SNX29: variants seen among roughly 807,000 people sequenced by gnomAD.
The protein encoded by SNX29 is sorting nexin-29.
SNX29 carries 78 observed loss-of-function variants against 102.1 expected under a neutral mutation model. The observed-to-expected ratio is 0.76, with a 90% CI of 0.64 to 0.92. SNX29 has a LOEUF of 0.92. SNX29 is among the 40% of genes least tolerant of loss of function. The probability of loss-of-function intolerance (pLI) is 0.00; values close to 1 mark genes in which losing one functional copy is unlikely to be tolerated. For synonymous variants in SNX29, 580 were observed against 414.5 expected (o/e 1.40, Z -4.85); for missense variants, 1,280 against 1,061.7 (o/e 1.21, Z -2.86).
chr16:12,033,175 G>C (rs2057389522), intron 4 of SNX29, among the ~76,000 whole-genome samples: 1 of 151,988 alleles, frequency 6.6e-6, no homozygotes, highest in Non-Finnish European at 1.5e-5. Context: ...TTTTAAATTA[G>C]AGAAAAGGTA....
chr16:12,521,472 C>CT (rs2090099789), intron 19 of SNX29, among the ~76,000 whole-genome samples: 1 of 152,042 alleles, frequency 6.6e-6, no homozygotes, highest in Non-Finnish European at 1.5e-5. Context: ...GGGGGGTTCA[C>CT]TTTCCTTGGG....
rs371181294 is a variant in SNX29 at position 12,298,996 on chromosome 16, T to TAAA, written c.1782+20976_1782+20978dup. On this transcript the variant is annotated intron_variant, in intron 15 of 20. Coordinates refer to ENST00000566228, the MANE Select transcript of SNX29 (RefSeq NM_032167.5). ...CCTCCAGAGAGGACCAATGAGTCTT[T>TAAA]AAAAAAAAAAAAAAAAAATAGGGCT... is the stretch of plus-strand genomic sequence containing the variant. Among the ~76,000 whole-genome samples, 804 of 139,902 alleles carry TAAA rather than the reference T, an allele frequency of 5.7e-3. 9 individuals carry two copies. Among genetic ancestry groups the TAAA allele is most frequent in the African/African-American group, 0.02 (770 of 38,118 alleles). 91.8% of individuals were successfully genotyped at this position (139,902 alleles called of 152,430 possible).
At chr16:12,409,201 G>C (rs1226854725) in intron 18 of SNX29, among the ~76,000 whole-genome samples, 1 of 152,216 alleles carries the variant, frequency 6.6e-6, no homozygotes, top group South Asian at 2.1e-4. Flanking sequence ...TGATTAAGGA[G>C]TGTCAAATAA....
chr16:12,486,965 G>C (rs146980241), intron 19 of SNX29, among the ~76,000 whole-genome samples: 40 of 152,232 alleles, frequency 2.6e-4, no homozygotes, highest in African/African-American at 9.4e-4. Context: ...TAAGTAAGAG[G>C]CTGTAATAAG....
chr16:12,337,079 G>A (rs964986922), intron 15 of SNX29, among the ~76,000 whole-genome samples: 1 of 152,176 alleles, frequency 6.6e-6, no homozygotes, highest in Non-Finnish European at 1.5e-5. Flanking sequence ...ATCTTGGGCA[G>A]CAGGTAGTGC....
intron 13 of SNX29, among the ~76,000 whole-genome samples, chr16:12,159,259 G>T (rs556076506): frequency 6.6e-6 from 1 of 152,312 alleles, no homozygotes; most frequent in Non-Finnish European, 1.5e-5. Context: ...GTGGAGCATT[G>T]TAGGGAGTTG....
intron 5 of SNX29, among the ~76,000 whole-genome samples, chr16:12,044,406 C>T (rs984688703): frequency 3.9e-5 from 6 of 152,114 alleles, no homozygotes; most frequent in African/African-American, 1.4e-4. Context: ...CCTGTGGCTC[C>T]TTGTTCAATT....
chr16:12,341,914 GC>G (rs1161403579), intron 15 of SNX29, among the ~76,000 whole-genome samples: 2 of 152,186 alleles, frequency 1.3e-5, no homozygotes, highest in Non-Finnish European at 2.9e-5. Flanking sequence ...GCAGCTGTGG[GC>G]TAGTGACTCC....
At chr16:12,550,898 C>G (rs1209528332) in intron 20 of SNX29, among the ~76,000 whole-genome samples, 1 of 152,152 alleles carries the variant, frequency 6.6e-6, no homozygotes, top group African/African-American at 2.4e-5. Flanking sequence ...GGAGGGGAAG[C>G]TCAGAATTGC....
chr16:12,018,812 T>C (rs1464145863), intron 3 of SNX29, among the ~76,000 whole-genome samples: 1 of 151,370 alleles, frequency 6.6e-6, no homozygotes, highest in Non-Finnish European at 1.5e-5. Context: ...GGTCTCGAAC[T>C]CCTGGGCTCA....
chr16:12,026,749 G>A (rs1014392269), intron 3 of SNX29, among the ~76,000 whole-genome samples: 2 of 152,172 alleles, frequency 1.3e-5, no homozygotes, highest in Non-Finnish European at 2.9e-5. Flanking sequence ...TTTAGAGCAT[G>A]TAATCTCATA....
chr16:11,996,374 G>A (rs928166677), intron 1 of SNX29, among the ~76,000 whole-genome samples: 3 of 152,014 alleles, frequency 2.0e-5, no homozygotes, highest in African/African-American at 7.2e-5. Flanking sequence ...TAGAGATCCT[G>A]TCTCAGAAAA....
chr16:12,552,616 G>A (rs1052347976), intron 20 of SNX29, among the ~76,000 whole-genome samples: 3 of 151,540 alleles, frequency 2.0e-5, no homozygotes, highest in Non-Finnish European at 4.4e-5. Context: ...GACTAAAAAA[G>A]CAAAAACCAA....
chr16:12,318,553 G>C (rs1484337123), intron 15 of SNX29, among the ~76,000 whole-genome samples: 1 of 152,164 alleles, frequency 6.6e-6, no homozygotes, highest in South Asian at 2.1e-4. Flanking sequence ...GGTAGAACCA[G>C]GACAGTAGTC....
rs541046999 is a variant in SNX29, at chr16:12,273,350, T to G, written c.1679-4583T>G. Among the ~76,000 whole-genome samples the G allele has an allele frequency of 5.1e-4, 77 of 152,068 alleles. 1 individual carries two copies. The highest frequency in any genetic ancestry group is 7.9e-4 in the African/African-American group (33 of 41,524). ...GTGGTTTTTTGTTTTTTGTTTTTTT[T>G]TTTTTGTTGTTGTTTGTTTGTTTTT... is the stretch of plus-strand genomic sequence containing the variant. On this transcript the variant is annotated intron_variant, in intron 14 of 20. Coordinates refer to ENST00000566228, the MANE Select transcript of SNX29 (RefSeq NM_032167.5).
intron 3 of SNX29, among the ~76,000 whole-genome samples, chr16:12,025,377 A>T (rs1233420291): frequency 6.6e-6 from 1 of 151,356 alleles, no homozygotes; most frequent in Non-Finnish European, 1.5e-5. Context: ...ATTAAGAGTG[A>T]TATCTGCCCA....
rs140431100 is a variant in SNX29 at position 12,041,565 on chromosome 16, C to T, written c.248-1332C>T. On this transcript the variant is annotated intron_variant, in intron 4 of 20. Transcript: ENST00000566228. ...AAGGTGACAGCAGGGCTGCTTCCTT[C>T]CAGAGGCTTCAGGGCTGAATCCGTT... Among the ~76,000 whole-genome samples the T allele has an allele frequency of 4.6e-3, 703 of 152,322 alleles. 14 individuals are homozygous for T. The highest frequency in any genetic ancestry group is 0.016 in the African/African-American group (672 of 41,574).
rs1005438026 is a variant in SNX29, at chr16:12,488,448, C to G, written c.2178+10589C>G. On this transcript the variant is annotated intron_variant, in intron 19 of 20. Coordinates refer to ENST00000566228, the MANE Select transcript of SNX29 (RefSeq NM_032167.5). Reference sequence around the variant, plus strand: ...AGTTCTTCCTTCCCGCAGTCCCCCCCGTCCCCGCACCCATGACACCATAGA... The same window carrying G: ...AGTTCTTCCTTCCCGCAGTCCCCCCGGTCCCCGCACCCATGACACCATAGA... Among the ~76,000 whole-genome samples, 7 of 152,202 alleles carry G rather than the reference C, an allele frequency of 4.6e-5. No individual in the cohort carries two copies. In the South Asian group the frequency reaches 6.2e-4, roughly 14 times the overall value.
chr16:12,363,997 T>C (rs1252362158), intron 16 of SNX29, among the ~76,000 whole-genome samples: 1 of 152,108 alleles, frequency 6.6e-6, no homozygotes, highest in African/African-American at 2.4e-5. Flanking sequence ...CTATATATAC[T>C]TTACTTTTTT....
Sources: gnomAD v4.1 joint callset for allele counts (sites outside exome capture counted in the v4.1 genomes callset) on GRCh38, gnomAD v4.1.1 for gene constraint, MANE v1.5 for transcripts, NCBI Gene and HGNC (gene_info 2026-07-23, HGNC 2026-07-21) for gene names.